PGM3: variants seen among roughly 807,000 people sequenced by gnomAD.
PGM3 encodes phosphoglucomutase 3.
A neutral mutation model predicts 66.2 loss-of-function variants in PGM3; 40 were observed. That is an observed-to-expected ratio of 0.60 (90% confidence interval 0.47 to 0.79). The LOEUF (loss-of-function observed/expected upper bound fraction) is 0.79. Among genes scored for constraint, PGM3 ranks in the 30% least tolerant of loss-of-function variants. PGM3 has a pLI of 0.00. For missense variants in PGM3, 537 were observed against 643.4 expected, an observed-to-expected ratio of 0.83 and a Z score of 1.79; for synonymous variants, 191 against 224.2, an observed-to-expected ratio of 0.85 and a Z score of 1.32.
At chr6:83,162,734 T>G, downstream of PGM3, 1 of 1,545,194 alleles carries the variant, frequency 6.5e-7, no homozygotes, top group Non-Finnish European at 8.7e-7. Context: ...TGTGGCCTAA[T>G]CTTAGATGGC....
chr6:83,167,252 C>T lies in PGM3; in HGVS notation c.*1982G>A, dbSNP rs536853186. On this transcript the variant is annotated 3_prime_UTR_variant, in exon 13 of 13. Transcript: ENST00000513973. ...CAGCACACTAACTCAATTCCTTTGA[C>T]TCCAGGTCCAGCTTTCCTCCCTATG... is the stretch of plus-strand genomic sequence containing the variant. 2.7e-4 allele frequency: 262 copies of T among 980,144 alleles called. No individual in the cohort carries two copies. The African/African-American group carries it at 4.1e-3, about 15-fold the overall frequency. 60.7% of individuals were successfully genotyped at this position (980,144 alleles called of 1,614,324 possible). A position where few individuals can be genotyped will look rare whatever the true frequency, so the allele number is the denominator to read the frequency against.
At chr6:83,175,680 A>G (rs553574021) in intron 9 of PGM3, among the ~76,000 whole-genome samples, 2 of 152,224 alleles carry the variant, frequency 1.3e-5, no homozygotes, top group Non-Finnish European at 2.9e-5. Context: ...CAGCCGGAAA[A>G]TGCATAGACA....
chr6:83,183,600 C>G (rs138973149), intron 4 of PGM3, among the ~76,000 whole-genome samples: 1 of 152,258 alleles, frequency 6.6e-6, no homozygotes, highest in East Asian at 1.9e-4. Flanking sequence ...ATTCCCAGGA[C>G]AGTTATCTTA....
intron 4 of PGM3, among the ~76,000 whole-genome samples, chr6:83,183,498 C>T (rs1052729161): frequency 6.6e-6 from 1 of 152,144 alleles, no homozygotes; most frequent in Admixed American, 6.5e-5. Context: ...ATGCAGAACC[C>T]AGTAGAAGAC....
At chr6:83,175,742 C>T (rs1054135939) in intron 9 of PGM3, among the ~76,000 whole-genome samples, 4 of 152,114 alleles carry the variant, frequency 2.6e-5, no homozygotes, top group African/African-American at 9.7e-5. Context: ...CTATTCAAAA[C>T]ACCTTAGTAT....
chr6:83,166,344 C>T lies in PGM3; in HGVS notation c.*2890G>A. The T allele has an allele frequency of 1.4e-6, 1 of 691,098 alleles. No homozygotes were observed. The highest frequency in any genetic ancestry group is 2.6e-6 in the Non-Finnish European group (1 of 380,294). The allele number at this position is 691,098 out of a possible 1,614,324, so 42.8% of individuals were successfully genotyped here. ...TCCGATGACTGGCCACTGCACTCCT[C>T]ATCTTCAAGGCTCTAGTCTCCTTTG... On this transcript the variant is annotated 3_prime_UTR_variant, in exon 13 of 13. Transcript: ENST00000513973.
At chr6:83,162,868 A>G (rs760637737), downstream of PGM3, 1 of 1,613,506 alleles carries the variant, frequency 6.2e-7, no homozygotes, top group Non-Finnish European at 8.5e-7. Context: ...ATCAACGAGA[A>G]TTTAAACCTT....
At chr6:83,158,338 TCA>T (rs1309657038), downstream of PGM3, among the ~76,000 whole-genome samples, 1 of 152,120 alleles carries the variant, frequency 6.6e-6, no homozygotes, top group African/African-American at 2.4e-5. Context: ...TGTTCCATAA[TCA>T]CTAAAAACAA....
downstream of PGM3, among the ~76,000 whole-genome samples, chr6:83,164,133 T>C (rs914921269): frequency 3.4e-5 from 5 of 147,976 alleles, no homozygotes; most frequent in African/African-American, 1.3e-4. Flanking sequence ...TGCTCAGAAA[T>C]TTTCCAGTCT....
chr6:83,168,111 C>CA lies in PGM3; in HGVS notation c.*1122dup, dbSNP rs1562402608. The CA allele has an allele frequency of 6.2e-7, 1 of 1,608,778 alleles. No individual in the cohort carries two copies. Among genetic ancestry groups the CA allele is most frequent in the African/African-American group, 1.3e-5 (1 of 74,406 alleles). On this transcript the variant is annotated 3_prime_UTR_variant, in exon 13 of 13. Coordinates refer to ENST00000513973, the MANE Select transcript of PGM3 (RefSeq NM_015599.3). Reference sequence around the variant, plus strand: ...CAAACCATGTTCCAGCAAAGCCAGGCAAAAAATAGAAGAGATGGTAGAAAA... The same window carrying CA: ...CAAACCATGTTCCAGCAAAGCCAGGCAAAAAAATAGAAGAGATGGTAGAAAA...
At chr6:83,174,558 G>A (rs961084991) in intron 9 of PGM3, 71 bp from the exon 10 acceptor site, 1 of 736,952 alleles carries the variant, frequency 1.4e-6, no homozygotes, top group Non-Finnish European at 2.2e-6. Context: ...TATTATTCTA[G>A]CTAACCCACT....
downstream of PGM3, among the ~76,000 whole-genome samples, chr6:83,162,019 CAAAT>C (rs1784347797): frequency 6.6e-6 from 1 of 151,936 alleles, no homozygotes; most frequent in South Asian, 2.1e-4. Context: ...TAATTTATAT[CAAAT>C]AAATTATATC....
At chr6:83,172,165 AT>A in intron 10 of PGM3, 106 bp from the exon 11 acceptor site, 1 of 1,111,152 alleles carries the variant, frequency 9.0e-7, no homozygotes, top group Non-Finnish European at 1.3e-6. Flanking sequence ...AACAACCTGA[AT>A]CTGAAACATG....
At chr6:83,184,853 G>A (rs1788456833) in intron 4 of PGM3, among the ~76,000 whole-genome samples, 1 of 152,102 alleles carries the variant, frequency 6.6e-6, no homozygotes, top group Admixed American at 6.5e-5. Context: ...CTGGAATAGA[G>A]CCCAAGTTCT....
chr6:83,191,754 C>G (rs1018013340), intron 1 of PGM3, among the ~76,000 whole-genome samples: 3 of 152,064 alleles, frequency 2.0e-5, no homozygotes, highest in East Asian at 3.9e-4. Flanking sequence ...TTTGAGAGGC[C>G]AAGGCAGGCG....
chr6:83,168,238 GTA>G lies in PGM3; in HGVS notation c.*994_*995del. ...TAAAACACACACACTGCTCTGCGTTGTATAGTTTTTCCTTTTTTGTATGTAAC... is the reference window on the plus strand; with the variant it reads ...TAAAACACACACACTGCTCTGCGTTGTAGTTTTTCCTTTTTTGTATGTAAC... On this transcript the variant is annotated 3_prime_UTR_variant, in exon 13 of 13. Transcript: ENST00000513973. The G allele has an allele frequency of 6.7e-7, 1 of 1,494,340 alleles. No homozygotes were observed. The highest frequency in any genetic ancestry group is 8.8e-7 in the Non-Finnish European group (1 of 1,130,110). The allele number at this position is 1,494,340 out of a possible 1,614,324, so 92.6% of individuals were successfully genotyped here.
chr6:83,181,289 G>A (rs1270859533), intron 6 of PGM3, among the ~76,000 whole-genome samples: 1 of 152,130 alleles, frequency 6.6e-6, no homozygotes, highest in Non-Finnish European at 1.5e-5. Context: ...CTCCCCTGTA[G>A]ATCTGTGATT....
Position 83,172,023 on chromosome 6 carries a change from CA to C in PGM3, c.1278del (p.Ile426MetfsTer7), listed in dbSNP as rs1562412233. Reference protein sequence around the residue: ...AGDAISDMLVIEAILALKGLT... With the variant: ...AGDAISDMLVXEAILALKGLT... ...AAGCCCTTCAGAGCCAAGATTGCTTCAATCACCAGCATGTCAGAAATAGCAT... is the reference window on the plus strand; with the variant it reads ...AAGCCCTTCAGAGCCAAGATTGCTTCATCACCAGCATGTCAGAAATAGCAT... On this transcript the variant is annotated frameshift_variant, in exon 11 of 13. Coordinates refer to ENST00000513973, the MANE Select transcript of PGM3 (RefSeq NM_015599.3). LOFTEE classifies it high-confidence loss of function. 1 of 1,613,842 alleles carries C rather than the reference CA, an allele frequency of 6.2e-7. No homozygotes were observed. Among genetic ancestry groups the C allele is most frequent in the Non-Finnish European group, 8.5e-7 (1 of 1,179,736 alleles).
At chr6:83,171,500 T>C (rs946901250) in intron 11 of PGM3, 3 of 152,392 alleles carry the variant, frequency 2.0e-5, no homozygotes, top group African/African-American at 7.2e-5. Context: ...AGGCCTTCTT[T>C]TTTTGTTTTG....
Sources: allele counts gnomAD v4.1 joint callset (sites outside exome capture counted in the v4.1 genomes callset), GRCh38; gene constraint gnomAD v4.1.1; transcripts MANE v1.5; gene names NCBI Gene and HGNC (gene_info 2026-07-23, HGNC 2026-07-21).